CHUK: variants seen among roughly 807,000 people sequenced by gnomAD.
The protein encoded by CHUK is inhibitor of nuclear factor kappa-B kinase subunit alpha.
A neutral mutation model predicts 104.8 loss-of-function variants in CHUK; 35 were observed. The ratio of observed to expected loss-of-function variants is 0.33; its 90% CI spans 0.26 to 0.44. The LOEUF (loss-of-function observed/expected upper bound fraction) is 0.44, where lower values mean the gene tolerates loss of function less well. Ranked by LOEUF, CHUK falls within the 20% of genes least tolerant of loss-of-function variation. The probability of loss-of-function intolerance (pLI) is 1.00; values close to 1 mark genes in which losing one functional copy is unlikely to be tolerated. For missense variants in CHUK, 663 were observed against 902.7 expected (o/e 0.73, Z 3.40); for synonymous variants, 276 against 291.9 (o/e 0.95, Z 0.56).
chr10:100,193,538 T>A, intron 18 of CHUK, 107 bp from the exon 19 acceptor site: 1 of 1,267,870 alleles, frequency 7.9e-7, no homozygotes, highest in Non-Finnish European at 1.1e-6. Context: ...ACTACTTATA[T>A]GCACAACCAG....
chr10:100,229,475 G>A lies in CHUK; in HGVS notation c.58C>T (p.Arg20Trp), dbSNP rs774949968. 1 of 1,599,068 alleles carries A rather than the reference G, an allele frequency of 6.3e-7. No individual in the cohort carries two copies. The highest frequency in any genetic ancestry group is 1.1e-5 in the South Asian group (1 of 90,234). The change falls in exon 1 of 21, where the codon CGG becomes TGG. Residue 20 changes from arginine (R) to tryptophan (W), a missense_variant. Coordinates refer to ENST00000370397, the MANE Select transcript of CHUK (RefSeq NM_001278.5). ...TTCCCGAAGCCGCCGGTGCCCAGCCGCTCCCGCATCTCCCAGGGCCCGCCC... is the reference window on the plus strand; with the variant it reads ...TTCCCGAAGCCGCCGGTGCCCAGCCACTCCCGCATCTCCCAGGGCCCGCCC... ...GAGGPWEMRE[R>W]LGTGGFGNVC...
At chr10:100,224,513 C>T (rs991966839) in intron 2 of CHUK, among the ~76,000 whole-genome samples, 10 of 148,422 alleles carry the variant, frequency 6.7e-5, no homozygotes, top group Non-Finnish European at 1.3e-4. Context: ...CTCAGCTTAC[C>T]GCAACCTCCG....
At chr10:100,198,113 T>C (rs1016957726) in intron 16 of CHUK, among the ~76,000 whole-genome samples, 18 of 152,222 alleles carry the variant, frequency 1.2e-4, no homozygotes, top group Admixed American at 1.1e-3. Context: ...GCTATACTTT[T>C]TATTTTCATT....
Position 100,208,782 on chromosome 10 carries a change from T to TATAAAAAAAAA in CHUK, c.1128+812_1128+813insTTTTTTTTTAT, listed in dbSNP as rs1845651504. On this transcript the variant is annotated intron_variant, in intron 10 of 20. Coordinates refer to ENST00000370397, the MANE Select transcript of CHUK (RefSeq NM_001278.5). Reference sequence around the variant, plus strand: ...GCCTGGGCAACAGAGCAAGACTGTCTAAAAAAAAAAAAAACTGGAAGAGCC... The same window carrying TATAAAAAAAAA: ...GCCTGGGCAACAGAGCAAGACTGTCTATAAAAAAAAAAAAAAAAAAAAAAACTGGAAGAGCC... Among the ~76,000 whole-genome samples the TATAAAAAAAAA allele has an allele frequency of 7.2e-5, 9 of 125,528 alleles. No individual in the cohort carries two copies. The Admixed American group carries it at 7.2e-4, about 10-fold the overall frequency. The allele number at this position is 125,528 out of a possible 152,430, so 82.4% of individuals were successfully genotyped here. A position where few individuals can be genotyped will look rare whatever the true frequency, so the allele number is the denominator to read the frequency against.
chr10:100,207,362 G>C (rs1350212628), intron 10 of CHUK, 30 bp from the exon 11 acceptor site: 2 of 1,062,280 alleles, frequency 1.9e-6, no homozygotes, highest in Non-Finnish European at 2.9e-6. Flanking sequence ...TTAAAATCCT[G>C]TTCAAGGATC....
At chr10:100,229,016 C>A (rs1846172896) in intron 1 of CHUK, among the ~76,000 whole-genome samples, 2 of 151,610 alleles carry the variant, frequency 1.3e-5, no homozygotes, top group African/African-American at 4.8e-5. Flanking sequence ...CACACACACA[C>A]ACACACACAC....
rs1271880770 is a variant in CHUK at position 100,225,814 on chromosome 10, T to C, written c.200+109A>G. 5 of 705,580 alleles carry C rather than the reference T, an allele frequency of 7.1e-6. No homozygotes were observed. The South Asian group carries it at 7.8e-5, about 11-fold the overall frequency. The allele number at this position is 705,580 out of a possible 1,614,324, so 43.7% of individuals were successfully genotyped here. On this transcript the variant is annotated intron_variant, in intron 2 of 20. Coordinates refer to ENST00000370397, the MANE Select transcript of CHUK (RefSeq NM_001278.5). ...ATATATTTAATGAGAGAAAAAAATA[T>C]ATGTTCCCAAAAAGATCCTGAGAAG...
At position 100,189,641 on chromosome 10, in the gene CHUK, T is replaced by A. The variant is rs1339514644; in HGVS notation, c.2209-14A>T. 6.2e-7 allele frequency: 1 copy of A among 1,606,378 alleles called. No homozygotes were observed. The highest frequency in any genetic ancestry group is 2.2e-5 in the East Asian group (1 of 44,766). On this transcript the variant is annotated splice_polypyrimidine_tract_variant and intron_variant, in intron 20 of 20. Transcript: ENST00000370397. ...CCAATCAAGATTCTAAAACCAGGCA[T>A]GAAAAAGTTACAATTAGATGTTGAC...
At chr10:100,197,637 G>C (rs1309122734) in intron 16 of CHUK, among the ~76,000 whole-genome samples, 1 of 151,940 alleles carries the variant, frequency 6.6e-6, no homozygotes, top group Non-Finnish European at 1.5e-5. Flanking sequence ...CTATATTTAG[G>C]TTTTCTCTCT....
In CHUK at chr10:100,207,636, G is replaced by A. The variant is rs12262250; in HGVS notation, c.1129-304C>T. 0.049 allele frequency among the ~76,000 whole-genome samples: 7,449 copies of A among 152,104 alleles called. 604 individuals carry two copies. Among genetic ancestry groups the A allele is most frequent in the African/African-American group, 0.17 (7,019 of 41,474 alleles). On this transcript the variant is annotated intron_variant, in intron 10 of 20. Coordinates refer to ENST00000370397, the MANE Select transcript of CHUK (RefSeq NM_001278.5). The stretch of plus-strand genomic sequence containing the variant: ...TACTGATACATGCTACAACATGCAC[G>A]GGCTTCAAAAATACAAGGCAAGTAA...
At chr10:100,219,936 G>A (rs1845947024) in intron 5 of CHUK, among the ~76,000 whole-genome samples, 1 of 151,800 alleles carries the variant, frequency 6.6e-6, no homozygotes, top group South Asian at 2.1e-4. Context: ...CCTCCAAGAG[G>A]CCAACAACTA....
At position 100,226,029 on chromosome 10, in the gene CHUK, G is replaced by T; in HGVS notation, c.106-12C>A. 1 of 1,507,250 alleles carries T rather than the reference G, an allele frequency of 6.6e-7. No individual in the cohort carries two copies. The highest frequency in any genetic ancestry group is 9.2e-7 in the Non-Finnish European group (1 of 1,083,992). 93.4% of individuals were successfully genotyped at this position (1,507,250 alleles called of 1,614,324 possible). On this transcript the variant is annotated splice_polypyrimidine_tract_variant and intron_variant, in intron 1 of 20. Coordinates refer to ENST00000370397, the MANE Select transcript of CHUK (RefSeq NM_001278.5). ...TTGAGATCAAGTTCCTGCCAAAATA[G>T]AAAATCAACAGAAAAAAAAAATTAG... is the stretch of plus-strand genomic sequence containing the variant.
intron 13 of CHUK, 35 bp downstream of exon 13, chr10:100,204,471 G>T (rs779433219): frequency 6.3e-7 from 1 of 1,593,788 alleles, no homozygotes; most frequent in Admixed American, 1.7e-5. Flanking sequence ...CAAGAAACCA[G>T]ATGCTCCTTT....
Position 100,189,435 on chromosome 10 carries a change from T to G in CHUK, c.*163A>C. 1.5e-6 allele frequency: 1 copy of G among 647,340 alleles called. No individual in the cohort carries two copies. The highest frequency in any genetic ancestry group is 1.9e-5 in the South Asian group (1 of 53,946). 40.1% of individuals were successfully genotyped at this position (647,340 alleles called of 1,614,324 possible). ...TTGAATTACTCAAAACTGTTATACT[T>G]GTAAAATCATGTTCTTCTGATCATA... On this transcript the variant is annotated 3_prime_UTR_variant, in exon 21 of 21. Coordinates refer to ENST00000370397, the MANE Select transcript of CHUK (RefSeq NM_001278.5).
intron 1 of CHUK, among the ~76,000 whole-genome samples, chr10:100,227,622 C>G (rs1296956003): frequency 6.6e-6 from 1 of 151,984 alleles, no homozygotes; most frequent in African/African-American, 2.4e-5. Context: ...CCTGCTATCA[C>G]AGGACTTAAT....
chr10:100,202,931 AT>A (rs1036536328), intron 13 of CHUK, among the ~76,000 whole-genome samples: 2 of 151,854 alleles, frequency 1.3e-5, no homozygotes, highest in African/African-American at 2.4e-5. Flanking sequence ...TAATTTTTAC[AT>A]TTTTTGTAGA....
chr10:100,200,925 CCTTT>C, intron 14 of CHUK, 145 bp from the exon 15 acceptor site: 2 of 678,408 alleles, frequency 2.9e-6, no homozygotes, highest in South Asian at 3.2e-5. Flanking sequence ...TTTGTTAAAG[CCTTT>C]CTATTCTTCA....
intron 13 of CHUK, among the ~76,000 whole-genome samples, chr10:100,202,566 G>A (rs1473245839): frequency 6.6e-6 from 1 of 152,158 alleles, no homozygotes; most frequent in African/African-American, 2.4e-5. Flanking sequence ...AGATTTCAGA[G>A]AAAACATGGC....
chr10:100,216,167 T>A (rs2134239957), intron 9 of CHUK, among the ~76,000 whole-genome samples: 1 of 152,354 alleles, frequency 6.6e-6, no homozygotes, highest in South Asian at 2.1e-4. Context: ...GGCTCACAGA[T>A]GCCCTTCAGA....
Sources: gnomAD v4.1 joint callset for allele counts (sites outside exome capture counted in the v4.1 genomes callset) on GRCh38, gnomAD v4.1.1 for gene constraint, MANE v1.5 for transcripts, NCBI Gene and HGNC (gene_info 2026-07-23, HGNC 2026-07-21) for gene names.